DNAH11: variants seen among roughly 807,000 people sequenced by gnomAD.
DNAH11 encodes the protein axonemal beta dynein heavy chain 11.
In DNAH11, 442 loss-of-function variants were observed where a neutral mutation model predicts 526.0. The ratio of observed to expected loss-of-function variants is 0.84; its 90% CI spans 0.78 to 0.91. The LOEUF is 0.91. DNAH11 is among the 40% of genes least tolerant of loss of function. The pLI, the probability that DNAH11 is intolerant of heterozygous loss-of-function variation, is 0.00. For synonymous variants in DNAH11, 2,461 were observed against 1,935.9 expected (o/e 1.27, Z -7.12); for missense variants, 6,989 against 5,448.7 (o/e 1.28, Z -8.90).
intron 25 of DNAH11, among the ~76,000 whole-genome samples, chr7:21,623,174 CAAAA>C (rs1371547306): frequency 6.6e-6 from 1 of 152,176 alleles, no homozygotes; most frequent in African/African-American, 2.4e-5. Context: ...AGACACTTCT[CAAAA>C]GAAGACATTT....
rs1263841122 is a variant in DNAH11 at position 21,558,832 on chromosome 7, A to G, written c.526A>G (p.Asn176Asp). 5.6e-6 allele frequency: 9 copies of G among 1,594,170 alleles called. No homozygotes were observed. The highest frequency in any genetic ancestry group is 1.4e-5 in the African/African-American group (1 of 73,888). ...ILVPVLSNKN[N>D]HKSWSCFTSQ... ...AGTGCCAGTTCTTTCTAATAAGAAC[A>G]ACCATAAGTCCTGGTCCTGTTTTAC... Residue 176 changes from asparagine (N) to aspartate (D), a missense_variant, in exon 3 of 82, where the codon AAC becomes GAC. Physicochemically the swap from Asn to Asp is conservative, Grantham distance 23 (BLOSUM62 1). Transcript: ENST00000409508.
In DNAH11 at chr7:21,773,956, G is replaced by A. The variant is rs769447200; in HGVS notation, c.9293G>A (p.Arg3098His). ...AATGAGGTATCCGAGAAAAAAGAAC[G>A]CCTGGTGAACGGCATCCAAAAGCTA... ...KQNEVSEKKE[R>H]LVNGIQKLKT... is the part of the protein sequence containing the mutation. The change falls in exon 56 of 82, where the codon CGC becomes CAC. Residue 3098 changes from arginine (R) to histidine (H), a missense_variant. Physicochemically the swap from Arg to His is conservative, Grantham distance 29. Coordinates refer to ENST00000409508, the MANE Select transcript of DNAH11 (RefSeq NM_001277115.2). 6.9e-6 allele frequency: 11 copies of A among 1,583,376 alleles called. No homozygotes were observed. Among genetic ancestry groups the A allele is most frequent in the Admixed American group, 1.8e-5 (1 of 55,046 alleles).
In DNAH11 at chr7:21,750,307, A is replaced by T; in HGVS notation, c.8883A>T (p.Val2961=). The change falls in exon 54 of 82, where the codon GTA becomes GTT. Residue 2961 remains valine (V), a synonymous_variant. Coordinates refer to ENST00000409508, the MANE Select transcript of DNAH11 (RefSeq NM_001277115.2). Reference sequence around the variant, plus strand: ...ATGAAGTTCATGCTCTGGGCATGGTAGACTCCAGGGAAAACTGTTGGAAAT... The same window carrying T: ...ATGAAGTTCATGCTCTGGGCATGGTTGACTCCAGGGAAAACTGTTGGAAAT... ...IHNEVHALGM[V]DSRENCWKFF... The T allele has an allele frequency of 6.2e-7, 1 of 1,606,084 alleles. No homozygotes were observed. Among genetic ancestry groups the T allele is most frequent in the Non-Finnish European group, 8.5e-7 (1 of 1,176,114 alleles).
intron 14 of DNAH11, among the ~76,000 whole-genome samples, chr7:21,593,567 AG>A (rs1420112014): frequency 4.5e-5 from 6 of 133,956 alleles, no homozygotes; most frequent in Non-Finnish European, 1.0e-4. Flanking sequence ...AAAGCCATTG[AG>A]GGAAATGGGA....
chr7:21,608,531 T>A (rs952182614), intron 20 of DNAH11, among the ~76,000 whole-genome samples: 5 of 152,220 alleles, frequency 3.3e-5, no homozygotes, highest in Admixed American at 3.3e-4. Context: ...ATTTAATTGC[T>A]TTAAACTTAT....
At chr7:21,880,556 C>T in intron 74 of DNAH11, 146 bp from the exon 75 acceptor site, 1 of 765,000 alleles carries the variant, frequency 1.3e-6, no homozygotes, top group Non-Finnish European at 2.1e-6. Context: ...TCCTGTTAAG[C>T]TTCTCATTGG....
chr7:21,825,280 G>T lies in DNAH11; in HGVS notation c.10691+6941G>T, dbSNP rs112049585. On this transcript the variant is annotated intron_variant, in intron 65 of 81. Transcript: ENST00000409508. ...ATGTTTTGCTATTATGAGTGATGCT[G>T]CTATGAATATTACTGAATATTCATG... Among the ~76,000 whole-genome samples, 3 of 152,292 alleles carry T rather than the reference G, an allele frequency of 2.0e-5. No homozygotes were observed. In the South Asian group the frequency reaches 6.2e-4, roughly 32 times the overall value.
intron 48 of DNAH11, among the ~76,000 whole-genome samples, chr7:21,741,100 A>G (rs763234083): frequency 4.6e-5 from 7 of 152,338 alleles, no homozygotes; most frequent in African/African-American, 9.6e-5. Flanking sequence ...AGAAGCCTCA[A>G]TGTATTCTGG....
chr7:21,623,160 G>A (rs1303543363), intron 25 of DNAH11, among the ~76,000 whole-genome samples: 1 of 152,122 alleles, frequency 6.6e-6, no homozygotes, highest in Non-Finnish European at 1.5e-5. Context: ...CGAAGGACAT[G>A]AACAGACACT....
intron 65 of DNAH11, among the ~76,000 whole-genome samples, chr7:21,842,139 A>T (rs1782225817): frequency 1.3e-5 from 2 of 152,188 alleles, no homozygotes; most frequent in Admixed American, 6.5e-5. Context: ...ACTCTTGTTT[A>T]TATCAATTAG....
At chr7:21,643,731 A>G (rs187976600) in intron 28 of DNAH11, among the ~76,000 whole-genome samples, 3 of 152,334 alleles carry the variant, frequency 2.0e-5, no homozygotes, top group Admixed American at 2.0e-4. Context: ...CAGATGTAGC[A>G]TTTTCAGATG....
Position 21,619,197 on chromosome 7 carries a change from C to T in DNAH11, c.4352C>T (p.Ala1451Val), listed in dbSNP as rs775598568. 50 of 1,613,016 alleles carry T rather than the reference C, an allele frequency of 3.1e-5. No individual in the cohort carries two copies. The highest frequency in any genetic ancestry group is 3.7e-5 in the Non-Finnish European group (44 of 1,179,500). ...GATGTCCGAAGGATTGTGGACAAGG[C>T]GGTGAAAGAGCTGGGGACTGAGAAG... ...EDDVRRIVDK[A>V]VKELGTEKVI... Residue 1451 changes from alanine (A) to valine (V), a missense_variant, in exon 24 of 82, where the codon GCG becomes GTG. Coordinates refer to ENST00000409508, the MANE Select transcript of DNAH11 (RefSeq NM_001277115.2).
rs558885496 is a variant in DNAH11, at chr7:21,775,025, AGCACCTTTTCAAATGG to A, written c.9336+1038_9336+1053del. On this transcript the variant is annotated intron_variant, in intron 56 of 81. Coordinates refer to ENST00000409508, the MANE Select transcript of DNAH11 (RefSeq NM_001277115.2). ...AAATGAACTGAGACCCGAAGGAGGG[AGCACCTTTTCAAATGG>A]GCACCTTTTCACTCTGAAGGGCTCT... Among the ~76,000 whole-genome samples the A allele has an allele frequency of 3.5e-4, 53 of 152,224 alleles. 1 individual carries two copies. Among genetic ancestry groups the A allele is most frequent in the African/African-American group, 1.1e-3 (46 of 41,538 alleles).
In DNAH11 at chr7:21,748,561, G is replaced by C. The variant is rs1322579930; in HGVS notation, c.8511-19G>C. On this transcript the variant is annotated intron_variant, in intron 51 of 81. Coordinates refer to ENST00000409508, the MANE Select transcript of DNAH11 (RefSeq NM_001277115.2). ...GGCATTTTCGATTTTGTGCCATAAT[G>C]GGCGCTTCCTTTCCTCAGGTGTCGC... The C allele has an allele frequency of 6.8e-7, 1 of 1,480,296 alleles. No homozygotes were observed. Among genetic ancestry groups the C allele is most frequent in the Non-Finnish European group, 9.0e-7 (1 of 1,110,720 alleles). 91.7% of individuals were successfully genotyped at this position (1,480,296 alleles called of 1,614,324 possible).
At chr7:21,645,672 C>A (rs919531319) in intron 28 of DNAH11, among the ~76,000 whole-genome samples, 2 of 136,670 alleles carry the variant, frequency 1.5e-5, no homozygotes, top group Non-Finnish European at 3.1e-5. Flanking sequence ...GAGGAGGAAT[C>A]TACTATATCT....
intron 45 of DNAH11, among the ~76,000 whole-genome samples, chr7:21,727,481 T>C (rs545226547): frequency 2.0e-5 from 3 of 152,252 alleles, no homozygotes; most frequent in African/African-American, 7.2e-5. Flanking sequence ...TTCACAGTCA[T>C]GTGACAGCTA....
intron 8 of DNAH11, among the ~76,000 whole-genome samples, chr7:21,577,889 T>C (rs1380676323): frequency 1.3e-5 from 2 of 152,176 alleles, no homozygotes; most frequent in Non-Finnish European, 1.5e-5. Flanking sequence ...TGGAATTACT[T>C]GAAAAAGATT....
Position 21,591,347 on chromosome 7 carries a change from A to G in DNAH11, c.2437A>G (p.Ile813Val), listed in dbSNP as rs1239577837. 1.2e-6 allele frequency: 2 copies of G among 1,613,780 alleles called. No homozygotes were observed. Among genetic ancestry groups the G allele is most frequent in the East Asian group, 4.5e-5 (2 of 44,860 alleles). ...LTWQDDCWGYIERVRAATSEL... is the reference protein window; with the variant it reads ...LTWQDDCWGYVERVRAATSEL... ...ATGGCAGGATGACTGCTGGGGCTAC[A>G]TCGAGAGGGTGAGGGCAGCCACGTC... The change falls in exon 14 of 82, where the codon ATC becomes GTC. Residue 813 changes from isoleucine (I) to valine (V), a missense_variant. By Grantham distance (29) the Ile-to-Val change is conservative (BLOSUM62 3). Coordinates refer to ENST00000409508, the MANE Select transcript of DNAH11 (RefSeq NM_001277115.2).
rs764617052 is a variant in DNAH11 at position 21,601,188 on chromosome 7, T to C, written c.3425+9T>C. The C allele has an allele frequency of 1.3e-6, 2 of 1,581,304 alleles. No individual in the cohort carries two copies. Among genetic ancestry groups the C allele is most frequent in the African/African-American group, 1.4e-5 (1 of 72,910 alleles). On this transcript the variant is annotated intron_variant, in intron 17 of 81. Transcript: ENST00000409508. The stretch of plus-strand genomic sequence containing the variant: ...AGATTTGTCATTGACAGGTAGCCTT[T>C]TACTTTGGTTTTTGGAATTATAACT...
Sources: allele counts gnomAD v4.1 joint callset (sites outside exome capture counted in the v4.1 genomes callset), GRCh38; gene constraint gnomAD v4.1.1; transcripts MANE v1.5; gene names NCBI Gene and HGNC (gene_info 2026-07-23, HGNC 2026-07-21).